STAB2: variants seen among roughly 807,000 people sequenced by gnomAD.
STAB2 encodes stabilin-2.
Under a neutral mutation model 338.1 loss-of-function variants are expected in STAB2, and 288 were observed. The ratio of observed to expected loss-of-function variants is 0.85; its 90% CI spans 0.77 to 0.94. The LOEUF (loss-of-function observed/expected upper bound fraction) is 0.94, where lower values mean the gene tolerates loss of function less well. Ranked by LOEUF, STAB2 falls within the 40% of genes least tolerant of loss-of-function variation. The probability of loss-of-function intolerance (pLI) is 0.00; values close to 1 mark genes in which losing one functional copy is unlikely to be tolerated. For missense variants in STAB2, 3,141 were observed against 3,210.1 expected (o/e 0.98, Z 0.52); for synonymous variants, 1,202 against 1,193.3 (o/e 1.01, Z -0.15).
At position 103,615,610 on chromosome 12, in the gene STAB2, G is replaced by A. The variant is rs978850921; in HGVS notation, c.332-4858G>A. 1.8e-3 allele frequency among the ~76,000 whole-genome samples: 275 copies of A among 152,174 alleles called. 2 individuals carry two copies. Among genetic ancestry groups the A allele is most frequent in the Admixed American group, 2.7e-3 (41 of 15,284 alleles). The stretch of plus-strand genomic sequence containing the variant: ...TCTAAGAGGTGCTTGTTAATGGCTC[G>A]CATACTGTATTAGTCCATTCTCACA... On this transcript the variant is annotated intron_variant, in intron 3 of 68. Transcript: ENST00000388887.
intron 3 of STAB2, among the ~76,000 whole-genome samples, chr12:103,609,491 C>G (rs553954362): frequency 1.3e-5 from 2 of 152,234 alleles, no homozygotes; most frequent in South Asian, 2.1e-4. Flanking sequence ...CTCTGTTTGT[C>G]TGTTATTGGA....
rs755073650 is a variant in STAB2 at position 103,652,665 on chromosome 12, C to T, written c.1367C>T (p.Thr456Ile). ...ATGAATAACACAGACATGTTCTACA[C>T]CTTGACTGGAAAGTCGGGGGAAATC... ...EYMNNTDMFY[T>I]LTGKSGEIFN... The change falls in exon 12 of 69, where the codon ACC (threonine) becomes ATC (isoleucine). Residue 456 changes from threonine to isoleucine, a missense_variant. Physicochemically the swap from Thr to Ile is moderately conservative, Grantham distance 89. Coordinates refer to ENST00000388887, the MANE Select transcript of STAB2 (RefSeq NM_017564.10). 2 of 1,603,372 alleles carry T rather than the reference C, an allele frequency of 1.2e-6. No homozygotes were observed. Among genetic ancestry groups the T allele is most frequent in the South Asian group, 1.1e-5 (1 of 87,462 alleles).
intron 52 of STAB2, among the ~76,000 whole-genome samples, chr12:103,735,900 A>T (rs957239876): frequency 6.6e-6 from 1 of 152,172 alleles, no homozygotes; most frequent in Non-Finnish European, 1.5e-5. Flanking sequence ...ACAGGAAAGT[A>T]TACAGTCATT....
At chr12:103,613,632 TCCCGGGCGAGGCAATG>T (rs1310306180) in intron 3 of STAB2, among the ~76,000 whole-genome samples, 1 of 152,090 alleles carries the variant, frequency 6.6e-6, no homozygotes, top group Non-Finnish European at 1.5e-5. Flanking sequence ...CCCTTGCACT[TCCCGGGCGAGGCAATG>T]CCTCGCCCTG....
chr12:103,683,984 C>A (rs1877168354), intron 26 of STAB2, among the ~76,000 whole-genome samples: 1 of 152,106 alleles, frequency 6.6e-6, no homozygotes, highest in Non-Finnish European at 1.5e-5. Context: ...AATCTAGAGG[C>A]AGGAAGTATA....
chr12:103,611,404 A>T (rs966778621), intron 3 of STAB2, among the ~76,000 whole-genome samples: 2 of 152,168 alleles, frequency 1.3e-5, no homozygotes, highest in African/African-American at 4.8e-5. Context: ...TAGGATAGTT[A>T]GCTCTTCTTG....
At chr12:103,747,995 CAAAAAAAAAA>C (rs57369480) in intron 58 of STAB2, among the ~76,000 whole-genome samples, 3 of 96,758 alleles carry the variant, frequency 3.1e-5, no homozygotes, top group African/African-American at 7.6e-5. Flanking sequence ...ACTCTGTCTC[CAAAAAAAAAA>C]AAAAAAAAAG....
At chr12:103,707,282 G>A (rs1189970922) in intron 38 of STAB2, among the ~76,000 whole-genome samples, 7 of 152,170 alleles carry the variant, frequency 4.6e-5, no homozygotes, top group South Asian at 2.1e-4. Context: ...TAATCATCAC[G>A]GCTAAACTTT....
rs967441641 is a variant in STAB2, at chr12:103,662,922, C to A, written c.1946C>A (p.Thr649Lys). ...TAKNGRIYTL[T>K]GVLIPPSIVP... Reference sequence around the variant, plus strand: ...AAAAATGGCCGAATTTACACACTGACAGGAGTTCTCATTCCTCCCTCCATT... The same window carrying A: ...AAAAATGGCCGAATTTACACACTGAAAGGAGTTCTCATTCCTCCCTCCATT... The change falls in exon 18 of 69, where the codon ACA becomes AAA. Residue 649 changes from threonine to lysine, a missense_variant. Coordinates refer to ENST00000388887, the MANE Select transcript of STAB2 (RefSeq NM_017564.10). 5 of 1,614,078 alleles carry A rather than the reference C, an allele frequency of 3.1e-6. No individual in the cohort carries two copies. Among genetic ancestry groups the A allele is most frequent in the Non-Finnish European group, 4.2e-6 (5 of 1,180,036 alleles).
chr12:103,648,053 A>G (rs770842900), intron 9 of STAB2, among the ~76,000 whole-genome samples: 2 of 152,216 alleles, frequency 1.3e-5, no homozygotes, highest in African/African-American at 4.8e-5. Context: ...CTCAAATGTT[A>G]TAGGGAAGCA....
chr12:103,759,134 C>A lies in STAB2; in HGVS notation c.7109C>A (p.Thr2370Asn), dbSNP rs1325395084. 1 of 1,614,028 alleles carries A rather than the reference C, an allele frequency of 6.2e-7. No individual in the cohort carries two copies. The highest frequency in any genetic ancestry group is 8.5e-7 in the Non-Finnish European group (1 of 1,179,992). ...PQNSGLGENE[T>N]LSGRDIEHHL... ...TCTGTGTTTCTCCTTTTTTCTCAGA[C>A]CTTGTCTGGGCGGGACATCGAGCAC... The change falls in exon 65 of 69, where the codon ACC becomes AAC. Residue 2370 changes from threonine to asparagine, a missense_variant and splice_region_variant. Thr to Asn is a moderately conservative substitution (Grantham distance 65). Transcript: ENST00000388887.
intron 56 of STAB2, among the ~76,000 whole-genome samples, chr12:103,743,920 G>A (rs1882790758): frequency 6.6e-6 from 1 of 152,176 alleles, no homozygotes; most frequent in South Asian, 2.1e-4. Context: ...AAAGTCTTTA[G>A]CTCTATGTGT....
At chr12:103,656,556 C>T (rs1397665931) in intron 15 of STAB2, among the ~76,000 whole-genome samples, 1 of 152,104 alleles carries the variant, frequency 6.6e-6, no homozygotes, top group Non-Finnish European at 1.5e-5. Flanking sequence ...CCCCAGCCCA[C>T]ACTGTTTTGG....
rs765350081 is a variant in STAB2, at chr12:103,763,598, A to AC, written c.7599dup (p.Phe2534LeufsTer5). On this transcript the variant is annotated frameshift_variant, in exon 68 of 69. Transcript: ENST00000388887. LOFTEE classifies it high-confidence loss of function. Reference sequence around the variant, plus strand: ...TCAGCTCCCCCAGAACCTTCCTACGACCCCTTCACGGTGAGTTTGCATTCT... The same window carrying AC: ...TCAGCTCCCCCAGAACCTTCCTACGACCCCCTTCACGGTGAGTTTGCATTCT... 1.2e-6 allele frequency: 2 copies of AC among 1,613,182 alleles called. No homozygotes were observed. Among genetic ancestry groups the AC allele is most frequent in the South Asian group, 1.1e-5 (1 of 90,978 alleles).
chr12:103,679,222 G>A (rs1101617), intron 25 of STAB2, among the ~76,000 whole-genome samples: 23,153 of 152,086 alleles, frequency 0.15, 1,977 homozygotes, highest in East Asian at 0.27. Flanking sequence ...CTAAAAATTA[G>A]TCGGGCATTG....
At chr12:103,758,436 G>A (rs1884295173) in intron 64 of STAB2, 147 bp downstream of exon 64, 1 of 1,368,654 alleles carries the variant, frequency 7.3e-7, no homozygotes, top group Non-Finnish European at 9.9e-7. Flanking sequence ...CACTCCCTTG[G>A]TCTTGGCACA....
chr12:103,654,063 T>G (rs1356551955), intron 12 of STAB2, among the ~76,000 whole-genome samples: 2 of 152,232 alleles, frequency 1.3e-5, no homozygotes, highest in East Asian at 3.8e-4. Context: ...AAGATGTGGC[T>G]TGCTTTCTCA....
chr12:103,672,466 C>T (rs1380408129), intron 22 of STAB2, among the ~76,000 whole-genome samples: 1 of 152,170 alleles, frequency 6.6e-6, no homozygotes, highest in African/African-American at 2.4e-5. Flanking sequence ...GGTCTCGTAC[C>T]TTGCAAATTA....
chr12:103,690,446 T>C lies in STAB2; in HGVS notation c.3205T>C (p.Tyr1069His). 1 of 1,614,068 alleles carries C rather than the reference T, an allele frequency of 6.2e-7. No homozygotes were observed. The highest frequency in any genetic ancestry group is 8.5e-7 in the Non-Finnish European group (1 of 1,179,908). Residue 1069 changes from tyrosine to histidine, a missense_variant, in exon 30 of 69, where the codon TAC becomes CAC. Tyr to His is a moderately conservative substitution (Grantham distance 83). Coordinates refer to ENST00000388887, the MANE Select transcript of STAB2 (RefSeq NM_017564.10). ...CAGGTACCATATGCTACTAGGCACA[T>C]ACAGAGTGGCAGATCTGCAGACCCT... ...LIKYHMLLGT[Y>H]RVADLQTLSS...
Sources: gnomAD v4.1 joint callset for allele counts (sites outside exome capture counted in the v4.1 genomes callset) on GRCh38, gnomAD v4.1.1 for gene constraint, MANE v1.5 for transcripts, NCBI Gene and HGNC (gene_info 2026-07-23, HGNC 2026-07-21) for gene names.